The following SS18 variants were observed in gnomAD, a reference collection of about 807,000 sequenced individuals.
SS18 encodes the protein protein SSXT.
In SS18, 28 loss-of-function variants were observed where a neutral mutation model predicts 72.5. The ratio of observed to expected loss-of-function variants is 0.39; its 90% confidence interval spans 0.29 to 0.53. The LOEUF is 0.53. Among genes scored for constraint, SS18 ranks in the 20% least tolerant of loss-of-function variants. The pLI is 0.76. For missense variants in SS18, 518 were observed against 535.3 expected (o/e 0.97, Z 0.32); for synonymous variants, 172 against 164.2 (o/e 1.05, Z -0.37).
intron 3 of SS18, among the ~76,000 whole-genome samples, chr18:26,060,638 T>G (rs1458262254): frequency 6.7e-6 from 1 of 150,024 alleles, no homozygotes; most frequent in Non-Finnish European, 1.5e-5. Flanking sequence ...GATTTTGGAG[T>G]TCCAGGCCAG....
chr18:26,080,430 G>A (rs1424044973), intron 2 of SS18: 6 of 979,824 alleles, frequency 6.1e-6, no homozygotes, highest in African/African-American at 5.3e-5. Context: ...GACCCTTTAA[G>A]AAAAAATTTT....
At chr18:26,026,963 A>G (rs975766076) in intron 10 of SS18, among the ~76,000 whole-genome samples, 3 of 152,192 alleles carry the variant, frequency 2.0e-5, no homozygotes, top group Non-Finnish European at 4.4e-5. Context: ...AAAAATTTTA[A>G]GGGACATATG....
chr18:26,089,622 T>C (rs1027483296), intron 1 of SS18: 2 of 152,248 alleles, frequency 1.3e-5, no homozygotes, highest in Non-Finnish European at 2.9e-5. Flanking sequence ...TTTAGAATGC[T>C]GCCTTGCTTG....
chr18:26,072,427 T>G (rs1254868895), intron 3 of SS18, among the ~76,000 whole-genome samples: 1 of 150,354 alleles, frequency 6.7e-6, no homozygotes, highest in Non-Finnish European at 1.5e-5. Context: ...GAAAGGAGGA[T>G]AATACCATGC....
intron 3 of SS18, among the ~76,000 whole-genome samples, chr18:26,071,729 A>G (rs1210544102): frequency 6.6e-6 from 1 of 152,118 alleles, no homozygotes; most frequent in Non-Finnish European, 1.5e-5. Context: ...TCAGGAGGCT[A>G]TGGCAGGAAG....
intron 10 of SS18, among the ~76,000 whole-genome samples, chr18:26,025,339 C>T (rs1421823602): frequency 6.6e-6 from 1 of 151,836 alleles, no homozygotes; most frequent in African/African-American, 2.4e-5. Context: ...ACAAATAAAA[C>T]CCAAGTAAGC....
chr18:26,019,480 A>G (rs2053306248), intron 10 of SS18, among the ~76,000 whole-genome samples: 1 of 152,134 alleles, frequency 6.6e-6, no homozygotes. Context: ...GTTGAATGTC[A>G]CCATATATAT....
chr18:26,041,234 C>A (rs1270633217), intron 5 of SS18, among the ~76,000 whole-genome samples: 1 of 152,000 alleles, frequency 6.6e-6, no homozygotes, highest in African/African-American at 2.4e-5. Context: ...ACCAGCCTGG[C>A]CAACATGGTG....
chr18:26,043,865 T>G (rs1289886142), intron 5 of SS18, among the ~76,000 whole-genome samples: 1 of 152,220 alleles, frequency 6.6e-6, no homozygotes, highest in Non-Finnish European at 1.5e-5. Context: ...AAATCTTTCA[T>G]AACATTAGAA....
In SS18 at chr18:26,034,953, A is replaced by G; in HGVS notation, c.1096+52T>C. On this transcript the variant is annotated intron_variant, in intron 9 of 10. Coordinates refer to ENST00000415083, the MANE Select transcript of SS18 (RefSeq NM_001007559.3). ...ATTAAATATCCACTTCCATATTTTA[A>G]AACAATCAGCACATTTTTTTGGTGA... The G allele has an allele frequency of 1.9e-6, 3 of 1,573,564 alleles. No individual in the cohort carries two copies. The South Asian group carries it at 3.6e-5, about 19-fold the overall frequency.
chr18:26,088,126 A>C (rs2054648893), intron 1 of SS18, among the ~76,000 whole-genome samples: 1 of 152,212 alleles, frequency 6.6e-6, no homozygotes, highest in African/African-American at 2.4e-5. Context: ...TAATGTTTTA[A>C]TATTCCAATT....
chr18:26,077,494 A>G (rs975061739), intron 3 of SS18, among the ~76,000 whole-genome samples: 4 of 152,154 alleles, frequency 2.6e-5, no homozygotes, highest in Non-Finnish European at 2.9e-5. Flanking sequence ...ACAGATTAAA[A>G]GAGACTAAGA....
At chr18:26,021,337 A>C (rs991277574) in intron 10 of SS18, among the ~76,000 whole-genome samples, 1 of 152,220 alleles carries the variant, frequency 6.6e-6, no homozygotes, top group Non-Finnish European at 1.5e-5. Flanking sequence ...ATTCAAGAAG[A>C]AAAACATGAA....
At chr18:26,050,121 G>T (rs2053895460) in intron 5 of SS18, among the ~76,000 whole-genome samples, 1 of 151,950 alleles carries the variant, frequency 6.6e-6, no homozygotes, top group Non-Finnish European at 1.5e-5. Flanking sequence ...TGTCATCCCA[G>T]CCCCTAGGAA....
Position 26,018,238 on chromosome 18 carries a change from A to G in SS18, c.*116T>C. 1 of 875,850 alleles carries G rather than the reference A, an allele frequency of 1.1e-6. No individual in the cohort carries two copies. The highest frequency in any genetic ancestry group is 1.8e-6 in the Non-Finnish European group (1 of 558,874). 54.3% of individuals were successfully genotyped at this position (875,850 alleles called of 1,614,324 possible). ...CTGATGAAACAGCCACTTATCCACAAGGTTTTTCCAAAAACTAGATGGAAT... is the reference window on the plus strand; with the variant it reads ...CTGATGAAACAGCCACTTATCCACAGGGTTTTTCCAAAAACTAGATGGAAT... On this transcript the variant is annotated 3_prime_UTR_variant, in exon 11 of 11. Coordinates refer to ENST00000415083, the MANE Select transcript of SS18 (RefSeq NM_001007559.3).
At chr18:26,031,733 A>G (rs1034621946) in intron 10 of SS18, among the ~76,000 whole-genome samples, 2 of 152,106 alleles carry the variant, frequency 1.3e-5, no homozygotes, top group African/African-American at 4.8e-5. Flanking sequence ...GAAGAATGAC[A>G]GGGGAGAAAT....
chr18:26,068,393 G>T (rs1015866354), intron 3 of SS18: 2 of 152,156 alleles, frequency 1.3e-5, no homozygotes, highest in Non-Finnish European at 2.9e-5. Flanking sequence ...AGACAGAAGT[G>T]ACAGTAGGTT....
intron 3 of SS18, among the ~76,000 whole-genome samples, chr18:26,068,980 A>T (rs1346209794): frequency 1.3e-5 from 2 of 152,234 alleles, no homozygotes; most frequent in African/African-American, 4.8e-5. Flanking sequence ...AAGGAATTCC[A>T]ATCAGCTTTC....
At chr18:26,058,136 A>T (rs983107692) in intron 3 of SS18, among the ~76,000 whole-genome samples, 2 of 152,130 alleles carry the variant, frequency 1.3e-5, no homozygotes, top group Non-Finnish European at 2.9e-5. Flanking sequence ...TGATGAAAGG[A>T]CTCTAAGTCC....
Sources: gnomAD v4.1 joint callset for allele counts (sites outside exome capture counted in the v4.1 genomes callset) on GRCh38, gnomAD v4.1.1 for gene constraint, MANE v1.5 for transcripts, NCBI Gene and HGNC (gene_info 2026-07-23, HGNC 2026-07-21) for gene names.